ADRA1B: variants seen among roughly 807,000 people sequenced by gnomAD.
ADRA1B encodes the protein alpha-1B adrenergic receptor.
ADRA1B carries 17 observed loss-of-function variants against 17.9 expected under a neutral mutation model. The observed-to-expected ratio is 0.95, with a 90% CI of 0.65 to 1.42. The LOEUF (loss-of-function observed/expected upper bound fraction) is 1.42, where lower values mean the gene tolerates loss of function less well. Ranked by LOEUF, ADRA1B falls within the 40% of genes most tolerant of loss-of-function variation. The probability of loss-of-function intolerance (pLI) is 0.00; values close to 1 mark genes in which losing one functional copy is unlikely to be tolerated. For missense variants in ADRA1B, 681 were observed against 722.1 expected (o/e 0.94, Z 0.65); for synonymous variants, 366 against 327.6 (o/e 1.12, Z -1.27).
chr5:159,965,379 A>G (rs977984241), intron 1 of ADRA1B, among the ~76,000 whole-genome samples: 1 of 152,186 alleles, frequency 6.6e-6, no homozygotes, highest in Non-Finnish European at 1.5e-5. Flanking sequence ...GCATTGTTAA[A>G]GAGCCCAGCG....
In ADRA1B at chr5:159,927,263, T is replaced by A. The variant is rs578241288; in HGVS notation, c.949+9409T>A. ...CTGAGAGGGATATGGTCAGAGTTGA[T>A]CCCTGCAGAAGCAGGAAAAGAGGAA... On this transcript the variant is annotated intron_variant, in intron 1 of 1. Coordinates refer to ENST00000306675, the MANE Select transcript of ADRA1B (RefSeq NM_000679.4). Among the ~76,000 whole-genome samples, 14 of 152,120 alleles carry A rather than the reference T, an allele frequency of 9.2e-5. No homozygotes were observed. The South Asian group carries it at 2.7e-3, about 29-fold the overall frequency.
rs1047594365 is a variant in ADRA1B, at chr5:159,951,416, A to G, written c.950-20463A>G. On this transcript the variant is annotated intron_variant, in intron 1 of 1. Transcript: ENST00000306675. ...AGGGTCATTAATGGCAACAATATCC[A>G]CTTTACTAGAGTTAAAAGCTGCCCT... 5.6e-5 allele frequency: 45 copies of G among 800,068 alleles called. No homozygotes were observed. The African/African-American group carries it at 7.0e-4, about 12-fold the overall frequency. The allele number at this position is 800,068 out of a possible 1,614,324, so 49.6% of individuals were successfully genotyped here.
At chr5:159,883,150 C>G (rs767386619) in intron 1 of ADRA1B, among the ~76,000 whole-genome samples, 9 of 152,308 alleles carry the variant, frequency 5.9e-5, no homozygotes, top group East Asian at 5.8e-4. Flanking sequence ...ACAAGTGGCC[C>G]TTGCTCCTTC....
chr5:159,924,735 G>T (rs955672586), intron 1 of ADRA1B, among the ~76,000 whole-genome samples: 1 of 151,798 alleles, frequency 6.6e-6, no homozygotes, highest in Non-Finnish European at 1.5e-5. Context: ...TGTTATGCAG[G>T]AAATGCCTTT....
At chr5:159,978,672 A>G in the ADRA1B span, among the ~76,000 whole-genome samples, 10,345 of 152,242 alleles carry the variant, frequency 0.068, 628 homozygotes, top group African/African-American at 0.16. Flanking sequence ...AGACAACTTC[A>G]TTGGGATTAG....
At chr5:159,872,764 C>A (rs1162558212) in intron 1 of ADRA1B, among the ~76,000 whole-genome samples, 2 of 152,116 alleles carry the variant, frequency 1.3e-5, no homozygotes, top group African/African-American at 2.4e-5. Context: ...GATTCAAGAT[C>A]TGGGCTTTTA....
chr5:159,919,977 C>T (rs1272202578), intron 1 of ADRA1B, among the ~76,000 whole-genome samples: 1 of 152,212 alleles, frequency 6.6e-6, no homozygotes, highest in Admixed American at 6.5e-5. Context: ...CTTCAGGCCT[C>T]ACACCTGGAG....
the ADRA1B span, among the ~76,000 whole-genome samples, chr5:159,979,832 T>C: frequency 9.3e-5 from 14 of 150,920 alleles, no homozygotes; most frequent in African/African-American, 3.2e-4. Flanking sequence ...CGTGCCACTG[T>C]ACTCCAGCCT....
chr5:159,870,253 G>A (rs1283024919), intron 1 of ADRA1B: 1 of 152,200 alleles, frequency 6.6e-6, no homozygotes, highest in African/African-American at 2.4e-5. Context: ...ATTTAGAGGA[G>A]TGGCCTCACG....
At chr5:159,878,939 G>T (rs955763718) in intron 1 of ADRA1B, among the ~76,000 whole-genome samples, 1 of 152,076 alleles carries the variant, frequency 6.6e-6, no homozygotes, top group Non-Finnish European at 1.5e-5. Flanking sequence ...TACTGCTCAT[G>T]CCCCCTAGAC....
At chr5:159,969,743 A>C (rs1390088862) in intron 1 of ADRA1B, among the ~76,000 whole-genome samples, 1 of 152,230 alleles carries the variant, frequency 6.6e-6, no homozygotes, top group African/African-American at 2.4e-5. Flanking sequence ...GAAGATACAA[A>C]ATGTTCTAGA....
At chr5:159,950,720 C>T (rs966139840) in intron 1 of ADRA1B, 3 of 677,162 alleles carry the variant, frequency 4.4e-6, no homozygotes, top group East Asian at 5.2e-5. Flanking sequence ...CACTTCACCA[C>T]CTTCTTAATG....
At chr5:159,955,139 G>C in intron 1 of ADRA1B, 1 of 984,820 alleles carries the variant, frequency 1.0e-6, no homozygotes, top group Non-Finnish European at 1.2e-6. Flanking sequence ...AGACAAGAAA[G>C]GGCTCTGGTG....
chr5:159,918,898 G>GT (rs1754402739), intron 1 of ADRA1B, among the ~76,000 whole-genome samples: 1 of 152,132 alleles, frequency 6.6e-6, no homozygotes, highest in South Asian at 2.1e-4. Context: ...AATGGAGGGA[G>GT]TTTATCATGA....
chr5:159,926,964 T>C (rs528425398), intron 1 of ADRA1B, among the ~76,000 whole-genome samples: 5 of 152,240 alleles, frequency 3.3e-5, no homozygotes, highest in African/African-American at 1.2e-4. Context: ...GCTTGTCTCC[T>C]TCCTCAAAAC....
At chr5:159,865,699 T>C (rs1386507452) in intron 1 of ADRA1B, among the ~76,000 whole-genome samples, 1 of 152,208 alleles carries the variant, frequency 6.6e-6, no homozygotes, top group Non-Finnish European at 1.5e-5. Flanking sequence ...AAGCCCCATT[T>C]TGTTCAAAAA....
At chr5:159,898,394 C>T (rs2113114887) in intron 1 of ADRA1B, among the ~76,000 whole-genome samples, 1 of 152,196 alleles carries the variant, frequency 6.6e-6, no homozygotes, top group Middle Eastern at 3.4e-3. Context: ...AAACTGATTC[C>T]CAGAAGTGGG....
At chr5:159,889,329 C>T (rs1445393216) in intron 1 of ADRA1B, among the ~76,000 whole-genome samples, 1 of 151,946 alleles carries the variant, frequency 6.6e-6, no homozygotes, top group Non-Finnish European at 1.5e-5. Context: ...CCTCCCTCTC[C>T]CCATCACAAA....
At chr5:159,871,401 A>C (rs1753737746) in intron 1 of ADRA1B, 1 of 152,114 alleles carries the variant, frequency 6.6e-6, no homozygotes, top group East Asian at 1.9e-4. Context: ...TTATTCTCTC[A>C]TGGTTCCTTT....
Sources: gnomAD v4.1 joint callset for allele counts (sites outside exome capture counted in the v4.1 genomes callset) on GRCh38, gnomAD v4.1.1 for gene constraint, MANE v1.5 for transcripts, NCBI Gene and HGNC (gene_info 2026-07-23, HGNC 2026-07-21) for gene names.